The following ZNRF1 variants were observed in gnomAD, a reference collection of about 807,000 sequenced individuals.
The protein encoded by ZNRF1 is E3 ubiquitin-protein ligase ZNRF1.
In ZNRF1, 3 loss-of-function variants were observed where a neutral mutation model predicts 18.4. That is an observed-to-expected ratio of 0.16 (90% confidence interval 0.07 to 0.42). ZNRF1 has a LOEUF of 0.42. Ranked by LOEUF, ZNRF1 falls within the 10% of genes least tolerant of loss-of-function variation. The pLI is 0.99. For missense variants in ZNRF1, 310 were observed against 329.8 expected (o/e 0.94, Z 0.47); for synonymous variants, 157 against 144.2 (o/e 1.09, Z -0.64).
intron 1 of ZNRF1, among the ~76,000 whole-genome samples, chr16:75,049,205 A>G (rs1193552610): frequency 6.6e-6 from 1 of 150,822 alleles, no homozygotes; most frequent in Non-Finnish European, 1.5e-5. Context: ...GGGTTTCACC[A>G]TCTTGGCCTG....
chr16:75,033,183 T>G (rs900863345), intron 1 of ZNRF1, among the ~76,000 whole-genome samples: 4 of 151,972 alleles, frequency 2.6e-5, no homozygotes, highest in Non-Finnish European at 5.9e-5. Flanking sequence ...TTCTTTATTC[T>G]TTTTTTAAAT....
chr16:75,026,545 G>A (rs947736304), intron 1 of ZNRF1, among the ~76,000 whole-genome samples: 2 of 152,154 alleles, frequency 1.3e-5, no homozygotes, highest in African/African-American at 4.8e-5. Context: ...TTCAGTGTTT[G>A]AACTCTTCCC....
intron 2 of ZNRF1, among the ~76,000 whole-genome samples, chr16:75,103,895 A>G (rs2036281389): frequency 6.6e-6 from 1 of 152,030 alleles, no homozygotes; most frequent in African/African-American, 2.4e-5. Flanking sequence ...TGAGACAGGA[A>G]AATCACTTGA....
intron 1 of ZNRF1, among the ~76,000 whole-genome samples, chr16:75,049,197 G>A (rs1021530755): frequency 1.3e-5 from 2 of 151,440 alleles, no homozygotes; most frequent in Admixed American, 1.3e-4. Flanking sequence ...TAGAGACAGG[G>A]TTTCACCATC....
intron 1 of ZNRF1, among the ~76,000 whole-genome samples, chr16:75,080,298 C>T (rs2035994248): frequency 6.6e-6 from 1 of 152,208 alleles, no homozygotes; most frequent in South Asian, 2.1e-4. Flanking sequence ...AAGGAGCCTT[C>T]TCACAGACCT....
chr16:75,081,130 G>A (rs1374302642), intron 1 of ZNRF1, among the ~76,000 whole-genome samples: 1 of 149,456 alleles, frequency 6.7e-6, no homozygotes, highest in African/African-American at 2.5e-5. Flanking sequence ...CCGAGATCAC[G>A]CCACTGCACT....
At chr16:75,095,831 T>C in intron 2 of ZNRF1, 1 of 1,336,156 alleles carries the variant, frequency 7.5e-7, no homozygotes, top group Non-Finnish European at 9.9e-7. Context: ...TATCAGCACT[T>C]GAGTGCCTGG....
chr16:75,043,310 C>T (rs2035472891), intron 1 of ZNRF1, among the ~76,000 whole-genome samples: 1 of 152,176 alleles, frequency 6.6e-6, no homozygotes, highest in Non-Finnish European at 1.5e-5. Context: ...TGAAACCAGA[C>T]ATGGTTTTAT....
At chr16:75,010,674 T>G (rs891045013) in intron 1 of ZNRF1, among the ~76,000 whole-genome samples, 1 of 151,520 alleles carries the variant, frequency 6.6e-6, no homozygotes, top group Non-Finnish European at 1.5e-5. Context: ...AGAGTTGTTC[T>G]GAAATTAGTC....
In ZNRF1 at chr16:75,108,250, G is replaced by A. The variant is rs561667345; in HGVS notation, c.*550G>A. 1 of 233,002 alleles carries A rather than the reference G, an allele frequency of 4.3e-6. No individual in the cohort carries two copies. The highest frequency in any genetic ancestry group is 5.2e-5 in the Admixed American group (1 of 19,358). 14.4% of individuals were successfully genotyped at this position (233,002 alleles called of 1,614,324 possible). On this transcript the variant is annotated 3_prime_UTR_variant, in exon 5 of 5. Coordinates refer to ENST00000335325, the MANE Select transcript of ZNRF1 (RefSeq NM_032268.5). ...TTTTTTCCCTCTATTTTTCTGGCTG[G>A]TTTTTTGCTCTTTTCTCCCCTTGAG...
At chr16:75,002,602 A>G (rs1227251640) in intron 1 of ZNRF1, among the ~76,000 whole-genome samples, 1 of 152,160 alleles carries the variant, frequency 6.6e-6, no homozygotes, top group African/African-American at 2.4e-5. Context: ...CTGGAGGTAG[A>G]ATACTGAAGG....
At chr16:75,050,180 A>G (rs1012043656) in intron 1 of ZNRF1, among the ~76,000 whole-genome samples, 1 of 152,206 alleles carries the variant, frequency 6.6e-6, no homozygotes, top group African/African-American at 2.4e-5. Flanking sequence ...GCTAAGTAGT[A>G]GTCCATGGTA....
rs549234472 is a variant in ZNRF1 at position 75,002,549 on chromosome 16, G to C, written c.424+2454G>C. 6.6e-5 allele frequency among the ~76,000 whole-genome samples: 10 copies of C among 152,326 alleles called. No individual in the cohort carries two copies. In the East Asian group the frequency reaches 1.9e-3, roughly 29 times the overall value. On this transcript the variant is annotated intron_variant, in intron 1 of 4. Transcript: ENST00000335325. ...TCAGTGAAATACATGAGGGAGTTCA[G>C]TGTATACAAGGCCTTCTCAGAGAGC...
chr16:75,059,569 G>A (rs1179429988), intron 1 of ZNRF1, among the ~76,000 whole-genome samples: 2 of 151,910 alleles, frequency 1.3e-5, no homozygotes, highest in Non-Finnish European at 2.9e-5. Context: ...TCTTACTTTT[G>A]TTTGTGACGA....
intron 1 of ZNRF1, among the ~76,000 whole-genome samples, chr16:75,051,310 C>G (rs928928191): frequency 1.3e-5 from 2 of 151,868 alleles, no homozygotes; most frequent in African/African-American, 2.4e-5. Flanking sequence ...CGGGTTCAAG[C>G]AATTCTCCTG....
At chr16:75,030,362 C>T (rs1267982330) in intron 1 of ZNRF1, among the ~76,000 whole-genome samples, 1 of 150,586 alleles carries the variant, frequency 6.6e-6, no homozygotes, top group Non-Finnish European at 1.5e-5. Context: ...ACACCACATA[C>T]AAAAATTAAT....
At chr16:75,051,571 G>A (rs1215527455) in intron 1 of ZNRF1, among the ~76,000 whole-genome samples, 2 of 150,882 alleles carry the variant, frequency 1.3e-5, no homozygotes, top group South Asian at 2.1e-4. Context: ...AGGCTAGAGT[G>A]CAGTGGCATG....
At chr16:75,010,594 AG>A (rs2034982008) in intron 1 of ZNRF1, among the ~76,000 whole-genome samples, 1 of 152,040 alleles carries the variant, frequency 6.6e-6, no homozygotes, top group Non-Finnish European at 1.5e-5. Flanking sequence ...GACTTGTCAT[AG>A]GAGTGCTCCA....
intron 1 of ZNRF1, among the ~76,000 whole-genome samples, chr16:75,086,194 C>T (rs1235467360): frequency 6.6e-6 from 1 of 152,190 alleles, no homozygotes; most frequent in Non-Finnish European, 1.5e-5. Flanking sequence ...GAACCACCCT[C>T]ACAGTCACAC....
Sources: allele counts gnomAD v4.1 joint callset (sites outside exome capture counted in the v4.1 genomes callset), GRCh38; gene constraint gnomAD v4.1.1; transcripts MANE v1.5; gene names NCBI Gene and HGNC (gene_info 2026-07-23, HGNC 2026-07-21).